SEMA5A: variants seen among roughly 807,000 people sequenced by gnomAD.
SEMA5A encodes the protein semaphorin-5A.
SEMA5A carries 55 observed loss-of-function variants against 135.5 expected under a neutral mutation model. That is an observed-to-expected ratio of 0.41 (90% CI 0.33 to 0.51). SEMA5A has a LOEUF of 0.51. SEMA5A is among the 20% of genes least tolerant of loss of function. SEMA5A has a pLI of 0.37. For missense variants in SEMA5A, 1,290 were observed against 1,419.9 expected (o/e 0.91, Z 1.47); for synonymous variants, 580 against 546.5 (o/e 1.06, Z -0.85).
At chr5:9,083,139 A>C (rs1389763356) in intron 16 of SEMA5A, among the ~76,000 whole-genome samples, 1 of 152,250 alleles carries the variant, frequency 6.6e-6, no homozygotes, top group Non-Finnish European at 1.5e-5. Context: ...GCTATGGTCA[A>C]CGTCCCTGTG....
intron 2 of SEMA5A, among the ~76,000 whole-genome samples, chr5:9,394,023 G>A (rs896418778): frequency 7.2e-5 from 11 of 152,002 alleles, no homozygotes; most frequent in Non-Finnish European, 1.2e-4. Context: ...AATATTTACC[G>A]CCAATAAAAA....
At chr5:9,354,547 G>A (rs1415526856) in intron 3 of SEMA5A, among the ~76,000 whole-genome samples, 7 of 152,152 alleles carry the variant, frequency 4.6e-5, no homozygotes, top group African/African-American at 1.2e-4. Flanking sequence ...TCCCAGGCAC[G>A]TGACAGCTGT....
intron 12 of SEMA5A, among the ~76,000 whole-genome samples, chr5:9,148,476 C>T (rs1051873066): frequency 2.6e-5 from 4 of 152,154 alleles, no homozygotes; most frequent in African/African-American, 9.7e-5. Context: ...GGTCCTGGAA[C>T]GCGGGAGGAT....
chr5:9,469,209 G>T (rs566200037), intron 1 of SEMA5A, among the ~76,000 whole-genome samples: 1 of 152,014 alleles, frequency 6.6e-6, no homozygotes, highest in Non-Finnish European at 1.5e-5. Context: ...GGGTTTCACC[G>T]TATTGTTCAG....
chr5:9,394,543 TA>T (rs1756306711), intron 2 of SEMA5A, among the ~76,000 whole-genome samples: 1 of 152,102 alleles, frequency 6.6e-6, no homozygotes, highest in African/African-American at 2.4e-5. Flanking sequence ...AGAAAGTACC[TA>T]ATATTTATGG....
rs543954033 is a variant in SEMA5A at position 9,093,542 on chromosome 5, A to C, written c.2073+14598T>G. On this transcript the variant is annotated intron_variant, in intron 16 of 22. Coordinates refer to ENST00000382496, the MANE Select transcript of SEMA5A (RefSeq NM_003966.3). ...ACGAATATGGTGAAACCCCGTCTCTACTAAAAATATAAAAGTTAGCTGGGC... is the reference window on the plus strand; with the variant it reads ...ACGAATATGGTGAAACCCCGTCTCTCCTAAAAATATAAAAGTTAGCTGGGC... Among the ~76,000 whole-genome samples the C allele has an allele frequency of 2.6e-5, 4 of 152,204 alleles. No homozygotes were observed. The South Asian group carries it at 8.3e-4, about 32-fold the overall frequency.
intron 1 of SEMA5A, among the ~76,000 whole-genome samples, chr5:9,454,201 G>T (rs139413526): frequency 6.6e-6 from 1 of 152,322 alleles, no homozygotes; most frequent in East Asian, 1.9e-4. Flanking sequence ...GTCACGTGCT[G>T]AATGGAGGTA....
intron 1 of SEMA5A, among the ~76,000 whole-genome samples, chr5:9,443,393 A>G (rs1024219767): frequency 6.6e-6 from 1 of 152,116 alleles, no homozygotes; most frequent in Non-Finnish European, 1.5e-5. Flanking sequence ...GAAGAAAAAC[A>G]CCCTAGAAGC....
chr5:9,377,012 T>C (rs1755390707), intron 3 of SEMA5A, among the ~76,000 whole-genome samples: 1 of 151,644 alleles, frequency 6.6e-6, no homozygotes, highest in South Asian at 2.1e-4. Context: ...ACACTATCCA[T>C]GGTCACAAAT....
At chr5:9,072,652 G>A (rs931916362) in intron 16 of SEMA5A, among the ~76,000 whole-genome samples, 1 of 152,066 alleles carries the variant, frequency 6.6e-6, no homozygotes, top group Non-Finnish European at 1.5e-5. Context: ...TTCCACAGTG[G>A]GGAAAAATTA....
At chr5:9,069,874 C>T (rs1011056460) in intron 16 of SEMA5A, among the ~76,000 whole-genome samples, 4 of 152,178 alleles carry the variant, frequency 2.6e-5, no homozygotes, top group African/African-American at 7.2e-5. Context: ...AGGCACAACG[C>T]GTGTGTGATC....
In SEMA5A at chr5:9,201,969, G is replaced by C; in HGVS notation, c.918C>G (p.Ile306Met). 3 of 1,614,040 alleles carry C rather than the reference G, an allele frequency of 1.9e-6. No homozygotes were observed. Among genetic ancestry groups the C allele is most frequent in the Non-Finnish European group, 2.5e-6 (3 of 1,179,910 alleles). Reference sequence around the variant, plus strand: ...AAGTTACATACACATTGGTGGTAAAGATGCCATAGATCAAATCCAGCTCAG... The same window carrying C: ...AAGTTACATACACATTGGTGGTAAACATGCCATAGATCAAATCCAGCTCAG... ...FLPELDLIYG[I>M]FTTNVNSIAA... The change falls in exon 9 of 23, where the codon ATC becomes ATG. Residue 306 changes from isoleucine (I) to methionine (M), a missense_variant. Ile to Met is a conservative substitution (Grantham distance 10, BLOSUM62 1). Around this residue, in one of 3 missense-constraint regions of SEMA5A, gnomAD observed 1,029 missense variants for 1,086.6 expected, o/e 0.95. Coordinates refer to ENST00000382496, the MANE Select transcript of SEMA5A (RefSeq NM_003966.3).
chr5:9,295,305 T>A (rs1361730777), intron 5 of SEMA5A, among the ~76,000 whole-genome samples: 3 of 152,206 alleles, frequency 2.0e-5, no homozygotes, highest in Non-Finnish European at 2.9e-5. Context: ...AAGCCTCTCA[T>A]CCTAACTGCC....
intron 16 of SEMA5A, among the ~76,000 whole-genome samples, chr5:9,068,677 A>C (rs1737606234): frequency 6.6e-6 from 1 of 152,052 alleles, no homozygotes. Context: ...AAGTCACCCA[A>C]TGTTGTTTTG....
intron 4 of SEMA5A, among the ~76,000 whole-genome samples, chr5:9,332,889 T>C (rs1753220544): frequency 6.6e-6 from 1 of 152,272 alleles, no homozygotes; most frequent in South Asian, 2.1e-4. Flanking sequence ...GTATTGGGTC[T>C]GTGGGCCTCA....
chr5:9,293,635 C>T (rs1335943029), intron 5 of SEMA5A, among the ~76,000 whole-genome samples: 1 of 152,178 alleles, frequency 6.6e-6, no homozygotes, highest in Admixed American at 6.5e-5. Flanking sequence ...GCCTGTTGCA[C>T]TTGTGTTATT....
intron 13 of SEMA5A, among the ~76,000 whole-genome samples, chr5:9,133,825 G>A (rs2150212086): frequency 6.8e-6 from 1 of 147,230 alleles, no homozygotes; most frequent in South Asian, 2.1e-4. Context: ...TGTTGCCCAG[G>A]CTGGAGTGCA....
At chr5:9,248,825 G>C (rs1434972266) in intron 5 of SEMA5A, among the ~76,000 whole-genome samples, 1 of 152,182 alleles carries the variant, frequency 6.6e-6, no homozygotes, top group Non-Finnish European at 1.5e-5. Context: ...CAAACTTCTG[G>C]AGAAAGTGTG....
chr5:9,136,847 TAACA>T (rs1348025901), intron 12 of SEMA5A, among the ~76,000 whole-genome samples: 1 of 152,190 alleles, frequency 6.6e-6, no homozygotes, highest in African/African-American at 2.4e-5. Flanking sequence ...TGTTTTAATC[TAACA>T]TACATGACAG....
Sources: allele counts gnomAD v4.1 joint callset (sites outside exome capture counted in the v4.1 genomes callset), GRCh38; gene constraint gnomAD v4.1.1; regional missense constraint gnomAD v4.1.1; transcripts MANE v1.5; gene names NCBI Gene and HGNC (gene_info 2026-07-23, HGNC 2026-07-21).